Variants in FAM83B observed in about 807,000 individuals in gnomAD.
FAM83B encodes scaffolding CK1 anchoring protein B.
A neutral mutation model predicts 38.8 loss-of-function variants in FAM83B; 26 were observed. That is an observed-to-expected ratio of 0.67 (90% CI 0.49 to 0.93). The LOEUF (loss-of-function observed/expected upper bound fraction) is 0.93. Ranked by LOEUF, FAM83B falls within the 40% of genes least tolerant of loss-of-function variation. FAM83B has a pLI of 0.00. For missense variants in FAM83B, 1,237 were observed against 1,197.3 expected, an observed-to-expected ratio of 1.03 and a Z score of -0.49; for synonymous variants, 419 against 423.1, an observed-to-expected ratio of 0.99 and a Z score of 0.12.
chr6:54,871,879 A>G (rs1250396452), intron 2 of FAM83B, among the ~76,000 whole-genome samples: 1 of 151,970 alleles, frequency 6.6e-6, no homozygotes, highest in Non-Finnish European at 1.5e-5. Context: ...GCACACACGC[A>G]TGACATTGCT....
At chr6:54,912,043 T>G (rs909637765) in intron 2 of FAM83B, among the ~76,000 whole-genome samples, 3 of 152,038 alleles carry the variant, frequency 2.0e-5, no homozygotes, top group African/African-American at 7.2e-5. Context: ...TCTCATTTTC[T>G]TCTTCTTCTT....
intron 2 of FAM83B, among the ~76,000 whole-genome samples, chr6:54,915,187 G>C (rs1021764724): frequency 6.6e-5 from 10 of 151,862 alleles, no homozygotes; most frequent in Admixed American, 1.3e-4. Flanking sequence ...ATGGCAGGTA[G>C]ATTAAAAAGT....
chr6:54,862,286 CTG>C (rs777735844), intron 1 of FAM83B, among the ~76,000 whole-genome samples: 2 of 152,154 alleles, frequency 1.3e-5, no homozygotes, highest in Non-Finnish European at 2.9e-5. Context: ...TATGACCAGT[CTG>C]GGCTGAGCAC....
At chr6:54,879,748 T>C (rs1772081613) in intron 2 of FAM83B, among the ~76,000 whole-genome samples, 1 of 152,186 alleles carries the variant, frequency 6.6e-6, no homozygotes, top group African/African-American at 2.4e-5. Context: ...AGTGATGTTG[T>C]GAAATCTGAT....
In FAM83B at chr6:54,943,828, A is replaced by G. The variant is rs908800050; in HGVS notation, c.*1821A>G. ...AATGTAACTTTAAAACTGAAATTAT[A>G]TAAAGAGTAGAAGTTTAATCATGTT... is the stretch of plus-strand genomic sequence containing the variant. On this transcript the variant is annotated 3_prime_UTR_variant, in exon 5 of 5. Coordinates refer to ENST00000306858, the MANE Select transcript of FAM83B (RefSeq NM_001010872.3). The G allele has an allele frequency of 3.9e-5, 6 of 152,204 alleles. No individual in the cohort carries two copies. Among genetic ancestry groups the G allele is most frequent in the Admixed American group, 2.6e-4 (4 of 15,284 alleles). 9.4% of individuals were successfully genotyped at this position (152,204 alleles called of 1,614,324 possible).
At chr6:54,907,608 CAT>C (rs938776997) in intron 2 of FAM83B, among the ~76,000 whole-genome samples, 1 of 148,584 alleles carries the variant, frequency 6.7e-6, no homozygotes, top group African/African-American at 2.5e-5. Context: ...ATGATATTTT[CAT>C]AGAGAATGTT....
At chr6:54,855,125 C>T (rs1771415379) in intron 1 of FAM83B, among the ~76,000 whole-genome samples, 1 of 152,090 alleles carries the variant, frequency 6.6e-6, no homozygotes, top group Non-Finnish European at 1.5e-5. Context: ...AATAAGTGTG[C>T]AAATACGCAG....
At chr6:54,880,308 T>C (rs1046619836) in intron 2 of FAM83B, among the ~76,000 whole-genome samples, 4 of 152,228 alleles carry the variant, frequency 2.6e-5, no homozygotes, top group Non-Finnish European at 4.4e-5. Flanking sequence ...CTGTTTACTC[T>C]TTAAGTATCA....
In FAM83B at chr6:54,942,730, T is replaced by TTTTTTTTTTTTTTTTTTTTTG. The variant is rs1561934810; in HGVS notation, c.*723_*724insTTTTTTTTTTTTTTTTTTTTG. The stretch of plus-strand genomic sequence containing the variant: ...TCTTACCCATAGGCTGCTGATTTTT[T>TTTTTTTTTTTTTTTTTTTTTG]ATAGTCATTCCTTACTTCACATTTA... On this transcript the variant is annotated 3_prime_UTR_variant, in exon 5 of 5. Coordinates refer to ENST00000306858, the MANE Select transcript of FAM83B (RefSeq NM_001010872.3). Among the ~76,000 whole-genome samples, 3 of 151,864 alleles carry TTTTTTTTTTTTTTTTTTTTTG rather than the reference T, an allele frequency of 2.0e-5. No individual in the cohort carries two copies. Among genetic ancestry groups the TTTTTTTTTTTTTTTTTTTTTG allele is most frequent in the African/African-American group, 7.3e-5 (3 of 41,190 alleles).
chr6:54,849,030 A>G (rs10428736), intron 1 of FAM83B, among the ~76,000 whole-genome samples: 33,577 of 152,088 alleles, frequency 0.22, 4,226 homozygotes, highest in African/African-American at 0.34. Flanking sequence ...TTGTTCCTTT[A>G]ATTTCTGATC....
rs1773294319 is a variant in FAM83B at position 54,926,685 on chromosome 6, TC to T, written c.609+154del. The T allele has an allele frequency of 9.1e-6, 5 of 550,810 alleles. No individual in the cohort carries two copies. In the South Asian group the frequency reaches 1.8e-4, roughly 20 times the overall value. 34.1% of individuals were successfully genotyped at this position (550,810 alleles called of 1,614,324 possible). ...TATGGAATGATTGATCACAGAAAGG[TC>T]CCCTGTACTTTTTAGAATGCAACTG... On this transcript the variant is annotated intron_variant, in intron 3 of 4. Transcript: ENST00000306858.
chr6:54,870,427 A>T lies in FAM83B; in HGVS notation c.181A>T (p.Ile61Phe), dbSNP rs1362418367. ...TTCAGACTTTCTTGCTGAGGAAGAAATTAATTATATTTTGAAAAATGTCCA... is the reference window on the plus strand; with the variant it reads ...TTCAGACTTTCTTGCTGAGGAAGAATTTAATTATATTTTGAAAAATGTCCA... ...RVSDFLAEEE[I>F]NYILKNVQKV... The change falls in exon 2 of 5, where the codon ATT (isoleucine) becomes TTT (phenylalanine). Residue 61 changes from isoleucine (I) to phenylalanine (F), a missense_variant. Ile to Phe is a conservative substitution (Grantham distance 21, BLOSUM62 0). Transcript: ENST00000306858. 12 of 1,613,952 alleles carry T rather than the reference A, an allele frequency of 7.4e-6. No individual in the cohort carries two copies. The highest frequency in any genetic ancestry group is 3.3e-5 in the Admixed American group (2 of 59,966).
chr6:54,882,843 A>G (rs1697303893), intron 2 of FAM83B, among the ~76,000 whole-genome samples: 1 of 152,120 alleles, frequency 6.6e-6, no homozygotes, highest in Admixed American at 6.5e-5. Flanking sequence ...TCATCTTTTA[A>G]AATCCATGTT....
intron 2 of FAM83B, among the ~76,000 whole-genome samples, chr6:54,894,200 G>T (rs1772466070): frequency 6.6e-6 from 1 of 152,202 alleles, no homozygotes; most frequent in Non-Finnish European, 1.5e-5. Flanking sequence ...GGTAACCATT[G>T]GCCTTCAGGG....
At chr6:54,922,621 G>A (rs1773195971) in intron 2 of FAM83B, among the ~76,000 whole-genome samples, 1 of 151,928 alleles carries the variant, frequency 6.6e-6, no homozygotes, top group Non-Finnish European at 1.5e-5. Context: ...AAAGGTTGTG[G>A]GAAGCTACTG....
At chr6:54,846,911 G>A (rs905605774) in intron 1 of FAM83B, 85 bp downstream of exon 1, 3 of 152,282 alleles carry the variant, frequency 2.0e-5, no homozygotes, top group Non-Finnish European at 4.4e-5. Context: ...GGGGTACTGG[G>A]GGGGCCCGGG....
intron 4 of FAM83B, among the ~76,000 whole-genome samples, chr6:54,929,800 T>C (rs920457706): frequency 2.0e-5 from 3 of 152,058 alleles, no homozygotes; most frequent in Non-Finnish European, 4.4e-5. Context: ...TGACAGTGTG[T>C]GTTTAGTGGA....
chr6:54,914,129 T>C (rs570337408), intron 2 of FAM83B, among the ~76,000 whole-genome samples: 1 of 152,088 alleles, frequency 6.6e-6, no homozygotes, highest in African/African-American at 2.4e-5. Context: ...TTCCCTCTCC[T>C]TTTTTGGTAA....
intron 2 of FAM83B, among the ~76,000 whole-genome samples, chr6:54,925,014 A>AG (rs1773256715): frequency 1.3e-5 from 2 of 152,202 alleles, no homozygotes; most frequent in South Asian, 4.1e-4. Context: ...GAAGGCTTTT[A>AG]GTGACTTTAA....
Sources: gnomAD v4.1 joint callset for allele counts (sites outside exome capture counted in the v4.1 genomes callset) on GRCh38, gnomAD v4.1.1 for gene constraint, MANE v1.5 for transcripts, NCBI Gene and HGNC (gene_info 2026-07-23, HGNC 2026-07-21) for gene names.